Variants in FAAH observed in about 807,000 individuals in gnomAD.
FAAH encodes fatty-acid amide hydrolase 1.
Under a neutral mutation model 69.7 loss-of-function variants are expected in FAAH, and 63 were observed. The observed-to-expected ratio is 0.90, with a 90% confidence interval of 0.74 to 1.12. FAAH has a LOEUF of 1.12. FAAH is among the 50% of genes most tolerant of loss of function. The probability of loss-of-function intolerance (pLI) is 0.00; values close to 1 mark genes in which losing one functional copy is unlikely to be tolerated. For missense variants in FAAH, 680 were observed against 755.0 expected (o/e 0.90, Z 1.16); for synonymous variants, 305 against 324.2 (o/e 0.94, Z 0.64).
chr1:46,406,275 C>T lies in FAAH; in HGVS notation c.858C>T (p.Asp286=), dbSNP rs944106665. 7 of 1,613,970 alleles carry T rather than the reference C, an allele frequency of 4.3e-6. No individual in the cohort carries two copies. Among genetic ancestry groups the T allele is most frequent in the South Asian group, 1.1e-5 (1 of 91,092 alleles). Residue 286 remains aspartate, a synonymous_variant, in exon 7 of 15, where the codon GAC becomes GAT. Transcript: ENST00000243167. ...TCTCCGTGGGCCCCATGGCCCGGGA[C>T]GTGGAGAGCCTGGCACTGTGCCTGC... The part of the protein sequence containing the change: ...VRLSVGPMAR[D]VESLALCLRA...
chr1:46,411,734 G>T lies in FAAH; in HGVS notation c.1356+83G>T. 1 of 1,505,052 alleles carries T rather than the reference G, an allele frequency of 6.6e-7. No individual in the cohort carries two copies. The highest frequency in any genetic ancestry group is 9.2e-7 in the Non-Finnish European group (1 of 1,092,090). The allele number at this position is 1,505,052 out of a possible 1,614,324, so 93.2% of individuals were successfully genotyped here. On this transcript the variant is annotated intron_variant, in intron 12 of 14. Coordinates refer to ENST00000243167, the MANE Select transcript of FAAH (RefSeq NM_001441.3). The surrounding 1 kb of genome is among the most constrained non-coding windows in gnomAD (Gnocchi z 4.8). ...GGGTACCCGCTAGCAGTGTCTCGTG[G>T]CCACTGCCCCCATGGGGCTCCTAGA...
rs779485475 is a variant in FAAH at position 46,405,684 on chromosome 1, C to T, written c.675C>T (p.Ile225=). 4.3e-6 allele frequency: 7 copies of T among 1,613,562 alleles called. No homozygotes were observed. The highest frequency in any genetic ancestry group is 1.1e-5 in the South Asian group (1 of 91,090). The part of the protein sequence containing the change: ...GGSSGGEGAL[I]GSGGSPLGLG... ...CCTCAGGGGGTGAAGGGGCCCTCATCGGGTCTGGAGGCTCCCCCCTGGGCT... is the reference window on the plus strand; with the variant it reads ...CCTCAGGGGGTGAAGGGGCCCTCATTGGGTCTGGAGGCTCCCCCCTGGGCT... The change falls in exon 5 of 15, where the codon ATC becomes ATT. Residue 225 remains isoleucine, a synonymous_variant. Coordinates refer to ENST00000243167, the MANE Select transcript of FAAH (RefSeq NM_001441.3). The surrounding 1 kb of genome is among the most constrained non-coding windows in gnomAD (Gnocchi z 4.1).
chr1:46,403,110 A>G (rs1312089815), intron 2 of FAAH, among the ~76,000 whole-genome samples: 4 of 151,810 alleles, frequency 2.6e-5, no homozygotes, highest in Non-Finnish European at 5.9e-5. Context: ...CTAGGATTAC[A>G]GGCGTGAGCC....
chr1:46,398,672 C>T (rs1382610908), intron 1 of FAAH, among the ~76,000 whole-genome samples: 1 of 151,978 alleles, frequency 6.6e-6, no homozygotes, highest in Non-Finnish European at 1.5e-5. Flanking sequence ...GTAGCTAGGA[C>T]TACAGGTGCC....
rs1405241435 is a variant in FAAH, at chr1:46,410,809, T to C, written c.1276-5T>C. 1.2e-6 allele frequency: 2 copies of C among 1,614,072 alleles called. No homozygotes were observed. The highest frequency in any genetic ancestry group is 1.7e-6 in the Non-Finnish European group (2 of 1,180,030). On this transcript the variant is annotated splice_region_variant and splice_polypyrimidine_tract_variant and intron_variant, in intron 10 of 14. Transcript: ENST00000243167. This position sits in a 1 kb window ranked among gnomAD's most constrained non-coding sequence, Gnocchi z 4.9. ...AGTCACCGACCCTGCGTCTGTCCTG[T>C]GCAGCTGCCAAGGCTGTCAGCTTTC...
rs1417337990 is a variant in FAAH, at chr1:46,394,494, G to A, written c.146G>A (p.Arg49Gln). ...GAVVRARQRQ[R>Q]AGLENMDRAA... ...GTGGTCCGGGCGCGACAGAGGCAGC[G>A]AGCGGGCCTGGAGAACATGGACAGG... is the stretch of plus-strand genomic sequence containing the variant. The change falls in exon 1 of 15, where the codon CGA becomes CAA. Residue 49 changes from arginine to glutamine, a missense_variant. Transcript: ENST00000243167. The A allele has an allele frequency of 3.0e-5, 42 of 1,397,436 alleles. No homozygotes were observed. The Admixed American group carries it at 1.3e-3, about 44-fold the overall frequency. The allele number at this position is 1,397,436 out of a possible 1,614,324, so 86.6% of individuals were successfully genotyped here. A position where few individuals can be genotyped will look rare whatever the true frequency, so the allele number is the denominator to read the frequency against.
At chr1:46,400,168 C>T (rs1272520805) in intron 1 of FAAH, among the ~76,000 whole-genome samples, 2 of 136,460 alleles carry the variant, frequency 1.5e-5, no homozygotes, top group African/African-American at 5.6e-5. Context: ...AGAGGGCAGG[C>T]GCCAGGCTCT....
chr1:46,412,035 AG>A, intron 12 of FAAH, 107 bp from the exon 13 acceptor site: 1 of 940,126 alleles, frequency 1.1e-6, no homozygotes, highest in Non-Finnish European at 1.7e-6. Flanking sequence ...GTTCAGATCC[AG>A]GGGCAGGTGC....
At position 46,405,229 on chromosome 1, in the gene FAAH, C is replaced by T; in HGVS notation, c.444+81C>T. 6.2e-7 allele frequency: 1 copy of T among 1,612,124 alleles called. No individual in the cohort carries two copies. Among genetic ancestry groups the T allele is most frequent in the South Asian group, 1.1e-5 (1 of 90,906 alleles). On this transcript the variant is annotated intron_variant, in intron 3 of 14. Coordinates refer to ENST00000243167, the MANE Select transcript of FAAH (RefSeq NM_001441.3). This position sits in a 1 kb window ranked among gnomAD's most constrained non-coding sequence, Gnocchi z 4.1. The stretch of plus-strand genomic sequence containing the variant: ...CTCTGCATCTTGGGTCATTTTGGGC[C>T]CTTAGAGGAGGTATCAGGTCCAGAG...
intron 7 of FAAH, among the ~76,000 whole-genome samples, chr1:46,408,206 T>A (rs564233695): frequency 5.3e-5 from 8 of 152,168 alleles, no homozygotes; most frequent in Non-Finnish European, 1.2e-4. Flanking sequence ...CAAGTCCCAG[T>A]CCCACCTAAT....
At chr1:46,394,607 G>C in intron 1 of FAAH, 64 bp downstream of exon 1, 2 of 1,246,058 alleles carry the variant, frequency 1.6e-6, no homozygotes, top group Non-Finnish European at 2.0e-6. Flanking sequence ...ACTTTCAGCC[G>C]CCGGACCCGC....
intron 1 of FAAH, among the ~76,000 whole-genome samples, chr1:46,398,902 A>G (rs1031885819): frequency 6.6e-6 from 1 of 152,134 alleles, no homozygotes; most frequent in Non-Finnish European, 1.5e-5. Flanking sequence ...AATTTTCACA[A>G]AATAGTTCAC....
At chr1:46,406,122 C>T in intron 6 of FAAH, 44 bp downstream of exon 6, 1 of 1,613,914 alleles carries the variant, frequency 6.2e-7, no homozygotes, top group Non-Finnish European at 8.5e-7. Context: ...GGGTGGGGGT[C>T]GGCCTGACCC....
At position 46,402,152 on chromosome 1, in the gene FAAH, T is replaced by C. The variant is rs751987056; in HGVS notation, c.257T>C (p.Leu86Ser). 1.9e-6 allele frequency: 3 copies of C among 1,610,516 alleles called. No homozygotes were observed. Among genetic ancestry groups the C allele is most frequent in the Non-Finnish European group, 2.5e-6 (3 of 1,178,418 alleles). Residue 86 changes from leucine (L) to serine (S), a missense_variant, in exon 2 of 15, where the codon TTA (leucine) becomes TCA (serine). By Grantham distance (145) the Leu-to-Ser change is moderately radical. Coordinates refer to ENST00000243167, the MANE Select transcript of FAAH (RefSeq NM_001441.3). ...ALPLPQLVQKLHSRELAPEAV... is the reference protein window; with the variant it reads ...ALPLPQLVQKSHSRELAPEAV... ...CCCCTGCCTCAGCTGGTGCAGAAGTTACACAGTAGAGAGCTGGCCCCTGAG... is the reference window on the plus strand; with the variant it reads ...CCCCTGCCTCAGCTGGTGCAGAAGTCACACAGTAGAGAGCTGGCCCCTGAG...
chr1:46,402,061 A>G (rs530008891), intron 1 of FAAH, 30 bp from the exon 2 acceptor site: 3 of 1,558,778 alleles, frequency 1.9e-6, no homozygotes, highest in South Asian at 1.2e-5. Flanking sequence ...TTCGGCGAGT[A>G]GGGGACTGAT....
In FAAH at chr1:46,405,215, G is replaced by A; in HGVS notation, c.444+67G>A. Reference sequence around the variant, plus strand: ...TCCCTGCCAGCCTGCTCTGCATCTTGGGTCATTTTGGGCCCTTAGAGGAGG... The same window carrying A: ...TCCCTGCCAGCCTGCTCTGCATCTTAGGTCATTTTGGGCCCTTAGAGGAGG... On this transcript the variant is annotated intron_variant, in intron 3 of 14. Transcript: ENST00000243167. The surrounding 1 kb of genome is among the most constrained non-coding windows in gnomAD (Gnocchi z 4.1). The A allele has an allele frequency of 2.5e-6, 4 of 1,612,852 alleles. No individual in the cohort carries two copies. The highest frequency in any genetic ancestry group is 3.4e-6 in the Non-Finnish European group (4 of 1,179,946).
intron 1 of FAAH, among the ~76,000 whole-genome samples, chr1:46,399,465 T>G (rs1014465691): frequency 6.6e-6 from 1 of 152,208 alleles, no homozygotes; most frequent in Admixed American, 6.5e-5. Flanking sequence ...GCTGTGTCAT[T>G]AACTGTCAAC....
At chr1:46,401,288 G>T (rs1664699413) in intron 1 of FAAH, among the ~76,000 whole-genome samples, 1 of 151,948 alleles carries the variant, frequency 6.6e-6, no homozygotes, top group South Asian at 2.1e-4. Context: ...CCCACATCTG[G>T]CATCTTCTTA....
rs1664562104 is a variant in FAAH at position 46,394,529 on chromosome 1, C to A, written c.181C>A (p.Arg61Ser). 9 of 1,369,278 alleles carry A rather than the reference C, an allele frequency of 6.6e-6. No individual in the cohort carries two copies. The East Asian group carries it at 2.8e-4, about 42-fold the overall frequency. 84.8% of individuals were successfully genotyped at this position (1,369,278 alleles called of 1,614,324 possible). A position where few individuals can be genotyped will look rare whatever the true frequency, so the allele number is the denominator to read the frequency against. The change falls in exon 1 of 15, where the codon CGC becomes AGC. Residue 61 changes from arginine (R) to serine (S), a missense_variant. Coordinates refer to ENST00000243167, the MANE Select transcript of FAAH (RefSeq NM_001441.3). ...GGAGAACATGGACAGGGCGGCGCAG[C>A]GCTTCCGGCTCCAGGTGACTGCCGG... Reference protein sequence around the residue: ...GLENMDRAAQRFRLQNPDLDS... With the variant: ...GLENMDRAAQSFRLQNPDLDS...
Sources: gnomAD v4.1 joint callset for allele counts (sites outside exome capture counted in the v4.1 genomes callset) on GRCh38, gnomAD v4.1.1 for gene constraint, Gnocchi (gnomAD v3.1) non-coding constraint, MANE v1.5 for transcripts, NCBI Gene and HGNC (gene_info 2026-07-23, HGNC 2026-07-21) for gene names.